Variants in RBFOX1 observed in about 807,000 individuals in gnomAD.
RBFOX1 encodes the protein RNA binding protein fox-1 homolog 1.
A neutral mutation model predicts 57.7 loss-of-function variants in RBFOX1; 8 were observed. That is an observed-to-expected ratio of 0.14 (90% confidence interval 0.08 to 0.25). The LOEUF (loss-of-function observed/expected upper bound fraction) is 0.25, where lower values mean the gene tolerates loss of function less well. Ranked by LOEUF, RBFOX1 falls within the 10% of genes least tolerant of loss-of-function variation. The pLI, the probability that RBFOX1 is intolerant of heterozygous loss-of-function variation, is 1.00. For synonymous variants in RBFOX1, 326 were observed against 222.4 expected, an observed-to-expected ratio of 1.47 and a Z score of -4.15; for missense variants, 611 against 548.5, an observed-to-expected ratio of 1.11 and a Z score of -1.14.
rs565754419 is a variant in RBFOX1, at chr16:6,372,452, A to T, written c.-64+55395A>T. Among the ~76,000 whole-genome samples, 8 of 144,204 alleles carry T rather than the reference A, an allele frequency of 5.5e-5. No individual in the cohort carries two copies. The South Asian group carries it at 1.8e-3, about 33-fold the overall frequency. The allele number at this position is 144,204 out of a possible 152,430, so 94.6% of individuals were successfully genotyped here. ...TAGTTGGATGGAAGGATAGTTGGTT[A>T]GGATCTTTGGGTAGGAGTATTGTTG... On this transcript the variant is annotated intron_variant, in intron 2 of 15. Transcript: ENST00000550418.
At chr16:5,570,814 T>G (rs1457686379) in intron 2 of RBFOX1, among the ~76,000 whole-genome samples, 1 of 140,770 alleles carries the variant, frequency 7.1e-6, no homozygotes, top group Non-Finnish European at 1.5e-5. Flanking sequence ...TACTCCAGTC[T>G]GGGCAACAGA....
At chr16:7,332,308 T>A (rs1490205056) in intron 4 of RBFOX1, among the ~76,000 whole-genome samples, 1 of 152,218 alleles carries the variant, frequency 6.6e-6, no homozygotes, top group Admixed American at 6.5e-5. Context: ...ACATAACACG[T>A]GTAAATAATT....
chr16:6,796,381 T>A (rs1319052203), intron 3 of RBFOX1, among the ~76,000 whole-genome samples: 1 of 152,138 alleles, frequency 6.6e-6, no homozygotes, highest in Non-Finnish European at 1.5e-5. Flanking sequence ...TAGTCATTTT[T>A]TGGCAAAACC....
chr16:7,076,388 C>T (rs1486131538), intron 4 of RBFOX1, among the ~76,000 whole-genome samples: 1 of 151,908 alleles, frequency 6.6e-6, no homozygotes, highest in East Asian at 1.9e-4. Flanking sequence ...TTACCCGAGT[C>T]TTTGTCAAAA....
intron 1 of RBFOX1, among the ~76,000 whole-genome samples, chr16:5,334,032 C>A (rs963117929): frequency 6.6e-6 from 1 of 152,124 alleles, no homozygotes; most frequent in Non-Finnish European, 1.5e-5. Context: ...GGTGAATAAA[C>A]CTGAGAGGTG....
intron 2 of RBFOX1, among the ~76,000 whole-genome samples, chr16:5,502,430 G>A (rs1214627514): frequency 6.6e-6 from 1 of 152,132 alleles, no homozygotes; most frequent in East Asian, 1.9e-4. Flanking sequence ...TGAGGGTCAG[G>A]GGGTGGACAT....
At chr16:5,790,601 A>C (rs1484102075) in intron 3 of RBFOX1, among the ~76,000 whole-genome samples, 1 of 151,768 alleles carries the variant, frequency 6.6e-6, no homozygotes, top group South Asian at 2.1e-4. Flanking sequence ...TTGGGGTTTG[A>C]TCCTGGGCCT....
rs1011430205 is a variant in RBFOX1, at chr16:6,019,245, C to T, written c.-874C>T. 16 of 985,176 alleles carry T rather than the reference C, an allele frequency of 1.6e-5. No individual in the cohort carries two copies. The highest frequency in any genetic ancestry group is 1.8e-5 in the Non-Finnish European group (15 of 830,008). 61.0% of individuals were successfully genotyped at this position (985,176 alleles called of 1,614,324 possible). ...TGGCCGTCTGGGTGCACACACCGCTCCCTCGATCACCCCAGCCCCCTTCCT... is the reference window on the plus strand; with the variant it reads ...TGGCCGTCTGGGTGCACACACCGCTTCCTCGATCACCCCAGCCCCCTTCCT... On this transcript the variant is annotated 5_prime_UTR_variant, in exon 1 of 16. Coordinates refer to ENST00000550418, the MANE Select transcript of RBFOX1 (RefSeq NM_018723.4). The surrounding 1 kb of genome is among the most constrained non-coding windows in gnomAD (Gnocchi z 4.2).
At chr16:7,187,708 A>G (rs2084271663) in intron 4 of RBFOX1, among the ~76,000 whole-genome samples, 2 of 143,584 alleles carry the variant, frequency 1.4e-5, no homozygotes, top group African/African-American at 2.8e-5. Flanking sequence ...AAAAAAAAAA[A>G]AAAAAAAAAA....
intron 4 of RBFOX1, among the ~76,000 whole-genome samples, chr16:5,953,160 T>C (rs1245606375): frequency 2.6e-5 from 4 of 152,146 alleles, no homozygotes; most frequent in Admixed American, 1.3e-4. Flanking sequence ...TGCTGGGTGA[T>C]TCTAATATTC....
intron 4 of RBFOX1, among the ~76,000 whole-genome samples, chr16:7,062,759 T>C (rs1211441644): frequency 1.3e-5 from 2 of 152,128 alleles, no homozygotes; most frequent in Admixed American, 6.5e-5. Flanking sequence ...GGTAGTGATA[T>C]TCTGGTGAAA....
rs980574151 is a variant in RBFOX1, at chr16:5,992,420, C to T, written c.351+125085C>T. On this transcript the variant is annotated intron_variant, in intron 4 of 19. Coordinates refer to the RBFOX1 transcript ENST00000641259. ...GGGTAACCCTTTCTTAGCCATCACT[C>T]AGTACTGTGTAGAATGAAAATGCGT... Among the ~76,000 whole-genome samples the T allele has an allele frequency of 9.9e-5, 15 of 152,194 alleles. 1 individual carries two copies.
intron 3 of RBFOX1, among the ~76,000 whole-genome samples, chr16:5,863,843 T>C (rs2057283839): frequency 6.6e-6 from 1 of 152,200 alleles, no homozygotes. Flanking sequence ...CTTTTTAGTC[T>C]CCTCTTTAAT....
chr16:6,542,060 C>G (rs1203940138), intron 2 of RBFOX1, among the ~76,000 whole-genome samples: 1 of 151,942 alleles, frequency 6.6e-6, no homozygotes, highest in Non-Finnish European at 1.5e-5. Flanking sequence ...TCCCGAGTAG[C>G]TGGGACTACA....
intron 3 of RBFOX1, among the ~76,000 whole-genome samples, chr16:5,860,976 C>T (rs1448108066): frequency 1.3e-5 from 2 of 152,164 alleles, no homozygotes; most frequent in Admixed American, 6.5e-5. Flanking sequence ...AGGTGAGGAC[C>T]TGAGTTTCCT....
rs1390691629 is a variant in RBFOX1, at chr16:7,024,690, C to G, written c.-15-27367C>G. The stretch of plus-strand genomic sequence containing the variant: ...AGGCACTTAGATACGAATGGAGGAG[C>G]CCCAGGCACAAATTCCTCAGCACTC... On this transcript the variant is annotated intron_variant, in intron 3 of 15. Coordinates refer to ENST00000550418, the MANE Select transcript of RBFOX1 (RefSeq NM_018723.4). Among the ~76,000 whole-genome samples the G allele has an allele frequency of 2.0e-5, 3 of 152,124 alleles. 1 individual carries two copies. The East Asian group carries it at 5.8e-4, about 29-fold the overall frequency.
rs142914140 is a variant in RBFOX1, at chr16:6,401,459, T to C, written c.-64+84402T>C. ...TTCACTTATGATAACCTCACCAACA[T>C]TGGACTGTGATCATTTTAAAACCTA... On this transcript the variant is annotated intron_variant, in intron 2 of 15. Coordinates refer to ENST00000550418, the MANE Select transcript of RBFOX1 (RefSeq NM_018723.4). 1.2e-3 allele frequency among the ~76,000 whole-genome samples: 177 copies of C among 152,332 alleles called. 1 individual carries two copies. The highest frequency in any genetic ancestry group is 3.1e-3 in the African/African-American group (129 of 41,576).
intron 4 of RBFOX1, among the ~76,000 whole-genome samples, chr16:7,180,736 A>G (rs111928094): frequency 0.023 from 3,456 of 151,070 alleles, 64 homozygotes; most frequent in Middle Eastern, 0.035. Context: ...AAAACCTGCC[A>G]GAACATTGGC....
chr16:7,258,614 A>C (rs981422870), intron 4 of RBFOX1, among the ~76,000 whole-genome samples: 3 of 152,222 alleles, frequency 2.0e-5, no homozygotes, highest in African/African-American at 4.8e-5. Context: ...TATATATCAT[A>C]TAAGCAAAAT....
Sources: allele counts gnomAD v4.1 joint callset (sites outside exome capture counted in the v4.1 genomes callset), GRCh38; gene constraint gnomAD v4.1.1; non-coding constraint Gnocchi (gnomAD v3.1); transcripts MANE v1.5; gene names NCBI Gene and HGNC (gene_info 2026-07-23, HGNC 2026-07-21).